The following CORIN variants were observed in gnomAD, a reference collection of about 807,000 sequenced individuals.
The protein encoded by CORIN is corin, serine peptidase.
A neutral mutation model predicts 125.3 loss-of-function variants in CORIN; 117 were observed. That is an observed-to-expected ratio of 0.93 (90% CI 0.80 to 1.09). The LOEUF (loss-of-function observed/expected upper bound fraction) is 1.09. CORIN is among the 50% of genes least tolerant of loss of function. The pLI, the probability that CORIN is intolerant of heterozygous loss-of-function variation, is 0.00. For synonymous variants in CORIN, 450 were observed against 466.4 expected, an observed-to-expected ratio of 0.96 and a Z score of 0.45; for missense variants, 1,253 against 1,306.7, an observed-to-expected ratio of 0.96 and a Z score of 0.63.
At chr4:47,769,543 A>T (rs142174875) in intron 3 of CORIN, among the ~76,000 whole-genome samples, 1 of 152,220 alleles carries the variant, frequency 6.6e-6, no homozygotes, top group African/African-American at 2.4e-5. Flanking sequence ...TCATATGGAA[A>T]CACACAAAAA....
chr4:47,647,469 TA>T (rs1233499441), intron 13 of CORIN, among the ~76,000 whole-genome samples: 1 of 151,992 alleles, frequency 6.6e-6, no homozygotes, highest in African/African-American at 2.4e-5. Flanking sequence ...ACCACAGAAA[TA>T]GATCATCTGG....
intron 5 of CORIN, among the ~76,000 whole-genome samples, chr4:47,713,500 A>G (rs1034718020): frequency 2.6e-5 from 4 of 152,256 alleles, no homozygotes; most frequent in African/African-American, 9.6e-5. Flanking sequence ...TCTGAAATGT[A>G]GTGTGTTAAT....
chr4:47,604,341 A>C (rs1347240935), intron 19 of CORIN, among the ~76,000 whole-genome samples: 1 of 152,052 alleles, frequency 6.6e-6, no homozygotes, highest in Non-Finnish European at 1.5e-5. Flanking sequence ...TTTCACTCTC[A>C]GCTGTCTATT....
intron 2 of CORIN, among the ~76,000 whole-genome samples, chr4:47,800,922 A>G (rs1731513128): frequency 6.6e-6 from 1 of 151,974 alleles, no homozygotes; most frequent in Non-Finnish European, 1.5e-5. Context: ...CATTGCCCTC[A>G]GCTTCTGCTT....
chr4:47,663,520 A>C (rs2109668812), intron 11 of CORIN, among the ~76,000 whole-genome samples: 1 of 152,266 alleles, frequency 6.6e-6, no homozygotes, highest in East Asian at 1.9e-4. Context: ...ATCTAAAAGA[A>C]ATTTACCAAA....
chr4:47,669,815 C>T (rs1043962038), intron 10 of CORIN, among the ~76,000 whole-genome samples: 7 of 152,040 alleles, frequency 4.6e-5, no homozygotes, highest in Admixed American at 3.3e-4. Context: ...GTGATCTGCC[C>T]GCCTCGGCCT....
At position 47,674,467 on chromosome 4, in the gene CORIN, C is replaced by A; in HGVS notation, c.1283G>T (p.Cys428Phe). The change falls in exon 10 of 22, where the codon TGC becomes TTC. Residue 428 changes from cysteine (C) to phenylalanine (F), a missense_variant. Physicochemically the swap from Cys to Phe is radical, Grantham distance 205. Coordinates refer to ENST00000273857, the MANE Select transcript of CORIN (RefSeq NM_006587.4). Reference sequence around the variant, plus strand: ...TGAATCAAGGCAGGGATTGTAGAGGCATCTTTGGTCTCCTTCTTGACATGA... The same window carrying A: ...TGAATCAAGGCAGGGATTGTAGAGGAATCTTTGGTCTCCTTCTTGACATGA... ...QTSCQEGDQR[C>F]LYNPCLDSCG... 1 of 1,613,882 alleles carries A rather than the reference C, an allele frequency of 6.2e-7. No homozygotes were observed. Among genetic ancestry groups the A allele is most frequent in the Non-Finnish European group, 8.5e-7 (1 of 1,179,782 alleles).
At chr4:47,686,771 G>C (rs958613421) in intron 6 of CORIN, among the ~76,000 whole-genome samples, 5 of 152,188 alleles carry the variant, frequency 3.3e-5, no homozygotes, top group African/African-American at 1.2e-4. Flanking sequence ...CATTCGCCCA[G>C]AGGATGGGGG....
intron 3 of CORIN, among the ~76,000 whole-genome samples, chr4:47,765,846 T>C (rs1341218957): frequency 6.6e-6 from 1 of 152,206 alleles, no homozygotes; most frequent in Non-Finnish European, 1.5e-5. Flanking sequence ...TTTTTCCTAC[T>C]GACTTTTAGG....
intron 16 of CORIN, among the ~76,000 whole-genome samples, chr4:47,631,842 A>C (rs929421094): frequency 6.6e-6 from 1 of 152,130 alleles, no homozygotes; most frequent in Admixed American, 6.5e-5. Flanking sequence ...AGTGCTATAC[A>C]GAGAAGCAAA....
intron 4 of CORIN, among the ~76,000 whole-genome samples, chr4:47,754,682 C>G (rs1474489395): frequency 6.6e-6 from 1 of 151,882 alleles, no homozygotes; most frequent in African/African-American, 2.4e-5. Context: ...CAGGGTGATA[C>G]TCTTTAAATA....
In CORIN at chr4:47,776,094, A is replaced by G. The variant is rs13124694; in HGVS notation, c.409+10631T>C. On this transcript the variant is annotated intron_variant, in intron 3 of 21. Transcript: ENST00000273857. ...GAGTGCAATGGCAAGATCTCGGCTCACTTCAACTTCAACCTCCCAGGCTCA... is the reference window on the plus strand; with the variant it reads ...GAGTGCAATGGCAAGATCTCGGCTCGCTTCAACTTCAACCTCCCAGGCTCA... Among the ~76,000 whole-genome samples the G allele has an allele frequency of 5.5e-4, 76 of 138,208 alleles. 2 individuals are homozygous for G. The highest frequency in any genetic ancestry group is 4.6e-4 in the South Asian group (2 of 4,392). 90.7% of individuals were successfully genotyped at this position (138,208 alleles called of 152,430 possible).
In CORIN at chr4:47,744,476, T is replaced by C. The variant is rs766624936; in HGVS notation, c.725A>G (p.Gln242Arg). Residue 242 changes from glutamine (Q) to arginine (R), a missense_variant, in exon 5 of 22, where the codon CAG (glutamine) becomes CGG (arginine). Gln to Arg is a conservative substitution (Grantham distance 43). Transcript: ENST00000273857. ...YSWPDFLRCS[Q>R]FRNQTESSNV... ...GCTGCTTTCAGTTTGGTTTCTAAAC[T>C]GGGAGCATCTGAGGAAATCCGGCCA... is the stretch of plus-strand genomic sequence containing the variant. The C allele has an allele frequency of 1.2e-6, 2 of 1,614,048 alleles. No individual in the cohort carries two copies. Among genetic ancestry groups the C allele is most frequent in the Non-Finnish European group, 1.7e-6 (2 of 1,179,998 alleles).
intron 3 of CORIN, among the ~76,000 whole-genome samples, chr4:47,786,098 G>A (rs1168429478): frequency 3.3e-5 from 5 of 152,086 alleles, no homozygotes; most frequent in Non-Finnish European, 5.9e-5. Context: ...TTTCACAGAT[G>A]AACCACTACA....
intron 1 of CORIN, among the ~76,000 whole-genome samples, chr4:47,834,788 G>GT (rs869281265): frequency 2.0e-5 from 3 of 152,136 alleles, no homozygotes; most frequent in Non-Finnish European, 2.9e-5. Context: ...CAATAAAGTA[G>GT]TTTTTTAAAA....
chr4:47,716,909 T>C (rs902990252), intron 5 of CORIN, among the ~76,000 whole-genome samples: 3 of 152,088 alleles, frequency 2.0e-5, no homozygotes, highest in African/African-American at 7.2e-5. Context: ...AAAAAAATAC[T>C]GTTGGAAGAC....
intron 13 of CORIN, among the ~76,000 whole-genome samples, chr4:47,651,015 C>T (rs1723710642): frequency 1.3e-5 from 2 of 152,200 alleles, no homozygotes; most frequent in African/African-American, 4.8e-5. Flanking sequence ...AACAGTATTA[C>T]TGATTGCTAA....
chr4:47,642,790 T>C, intron 15 of CORIN: 1 of 1,400,098 alleles, frequency 7.1e-7, no homozygotes, highest in East Asian at 2.5e-5. Context: ...CACTTGACTA[T>C]TCTATTCTAG....
Position 47,717,829 on chromosome 4 carries a change from G to A in CORIN, c.800-24746C>T, listed in dbSNP as rs77151096. 8.6e-3 allele frequency among the ~76,000 whole-genome samples: 1,313 copies of A among 152,272 alleles called. 22 individuals carry two copies. The highest frequency in any genetic ancestry group is 0.03 in the African/African-American group (1,237 of 41,560). ...TATATTTTATGATTGCAGGTTGTAGGAATGTCCATTGATATTGCTTTAGGG... is the reference window on the plus strand; with the variant it reads ...TATATTTTATGATTGCAGGTTGTAGAAATGTCCATTGATATTGCTTTAGGG... On this transcript the variant is annotated intron_variant, in intron 5 of 21. Transcript: ENST00000273857.
Sources: gnomAD v4.1 joint callset for allele counts (sites outside exome capture counted in the v4.1 genomes callset) on GRCh38, gnomAD v4.1.1 for gene constraint, MANE v1.5 for transcripts, NCBI Gene and HGNC (gene_info 2026-07-23, HGNC 2026-07-21) for gene names.